ERC2: variants seen among roughly 807,000 people sequenced by gnomAD.
ERC2 encodes ERC protein 2.
ERC2 carries 42 observed loss-of-function variants against 114.8 expected under a neutral mutation model. That is an observed-to-expected ratio of 0.37 (90% confidence interval 0.29 to 0.47). ERC2 has a LOEUF of 0.47. Among genes scored for constraint, ERC2 ranks in the 20% least tolerant of loss-of-function variants. The pLI, the probability that ERC2 is intolerant of heterozygous loss-of-function variation, is 0.99. For missense variants in ERC2, 939 were observed against 1,150.7 expected, an observed-to-expected ratio of 0.82 and a Z score of 2.66; for synonymous variants, 454 against 425.5, an observed-to-expected ratio of 1.07 and a Z score of -0.82.
chr3:56,458,439 T>A (rs2063162766), intron 1 of ERC2, among the ~76,000 whole-genome samples: 1 of 152,196 alleles, frequency 6.6e-6, no homozygotes, highest in African/African-American at 2.4e-5. Flanking sequence ...ATGTTGTGAA[T>A]TCAAGGTGGC....
intron 14 of ERC2, among the ~76,000 whole-genome samples, chr3:55,875,547 T>C (rs2062789220): frequency 6.6e-6 from 1 of 152,174 alleles, no homozygotes; most frequent in South Asian, 2.1e-4. Flanking sequence ...ACAAAAGACT[T>C]GTCCCACTTG....
Position 56,007,170 on chromosome 3 carries a change from ACT to A in ERC2, c.2061+9_2061+10del. ...AAATAAGCATGATTCTTTTTCTTAG[ACT>A]TCACTTACCTTTTTTAACTGTGCTT... is the stretch of plus-strand genomic sequence containing the variant. On this transcript the variant is annotated intron_variant, in intron 10 of 17. Coordinates refer to ENST00000288221, the MANE Select transcript of ERC2 (RefSeq NM_015576.3). 1 of 1,543,672 alleles carries A rather than the reference ACT, an allele frequency of 6.5e-7. No individual in the cohort carries two copies. Among genetic ancestry groups the A allele is most frequent in the Non-Finnish European group, 8.7e-7 (1 of 1,145,866 alleles).
intron 17 of ERC2, among the ~76,000 whole-genome samples, chr3:55,622,025 C>T (rs1366244588): frequency 6.6e-6 from 1 of 152,128 alleles, no homozygotes; most frequent in Non-Finnish European, 1.5e-5. Flanking sequence ...TTTCATAAAC[C>T]TAACTGGACA....
chr3:55,561,122 C>A (rs2055987373), intron 17 of ERC2, among the ~76,000 whole-genome samples: 1 of 148,950 alleles, frequency 6.7e-6, no homozygotes, highest in Non-Finnish European at 1.5e-5. Flanking sequence ...ACAGTCACAG[C>A]AGAAAGCTCA....
intron 15 of ERC2, among the ~76,000 whole-genome samples, chr3:55,718,415 G>A (rs1304425864): frequency 1.3e-5 from 2 of 152,278 alleles, no homozygotes; most frequent in African/African-American, 4.8e-5. Flanking sequence ...CAGGACAACA[G>A]CTTTCAACTC....
At chr3:55,835,355 G>C (rs1040811856) in intron 14 of ERC2, among the ~76,000 whole-genome samples, 2 of 152,060 alleles carry the variant, frequency 1.3e-5, no homozygotes, top group East Asian at 1.9e-4. Flanking sequence ...AATCCTCAAT[G>C]AAATACTGGC....
intron 14 of ERC2, among the ~76,000 whole-genome samples, chr3:55,765,249 A>G (rs1471270445): frequency 6.6e-6 from 1 of 152,236 alleles, no homozygotes; most frequent in East Asian, 1.9e-4. Flanking sequence ...TATGCAAAAT[A>G]CATGCAATTA....
At chr3:55,776,735 A>C (rs912475070) in intron 14 of ERC2, among the ~76,000 whole-genome samples, 1 of 152,188 alleles carries the variant, frequency 6.6e-6, no homozygotes, top group African/African-American at 2.4e-5. Flanking sequence ...TCTAATCCTC[A>C]GGACCTTGTA....
chr3:55,939,933 G>T (rs1362530289), intron 13 of ERC2, among the ~76,000 whole-genome samples: 1 of 152,154 alleles, frequency 6.6e-6, no homozygotes, highest in Non-Finnish European at 1.5e-5. Context: ...ATAACCGATT[G>T]CTCTAAAGAA....
At chr3:55,651,014 ATTTTTTTTTT>A (rs71096493) in intron 17 of ERC2, among the ~76,000 whole-genome samples, 27 of 96,322 alleles carry the variant, frequency 2.8e-4, no homozygotes, top group African/African-American at 8.4e-4. Flanking sequence ...CACCCAGCTA[ATTTTTTTTTT>A]TTTTTTTTTT....
At chr3:55,514,857 T>C (rs2052376905) in intron 17 of ERC2, among the ~76,000 whole-genome samples, 1 of 152,202 alleles carries the variant, frequency 6.6e-6, no homozygotes, top group African/African-American at 2.4e-5. Flanking sequence ...CACAAAACTG[T>C]AAGCTAATAA....
At chr3:55,895,650 T>C (rs2063806993) in intron 13 of ERC2, among the ~76,000 whole-genome samples, 1 of 152,124 alleles carries the variant, frequency 6.6e-6, no homozygotes, top group Admixed American at 6.5e-5. Context: ...TCCATCTTCT[T>C]TGCAAGCCCC....
chr3:55,781,094 ACT>A (rs943204416), intron 14 of ERC2, among the ~76,000 whole-genome samples: 29 of 151,934 alleles, frequency 1.9e-4, no homozygotes, highest in African/African-American at 7.0e-4. Flanking sequence ...CTTGCCCAAA[ACT>A]CTGTGTGAGA....
chr3:56,343,295 T>C (rs1416850385), intron 2 of ERC2, among the ~76,000 whole-genome samples: 1 of 151,166 alleles, frequency 6.6e-6, no homozygotes, highest in South Asian at 2.1e-4. Flanking sequence ...CATTTCCCCA[T>C]TAGAATGAAA....
intron 15 of ERC2, among the ~76,000 whole-genome samples, chr3:55,725,520 A>T (rs892758648): frequency 2.0e-5 from 3 of 152,200 alleles, no homozygotes; most frequent in African/African-American, 7.2e-5. Context: ...ACAAAAAAAA[A>T]TAGCACTTTG....
At chr3:55,806,771 C>T (rs1474625028) in intron 14 of ERC2, among the ~76,000 whole-genome samples, 2 of 152,210 alleles carry the variant, frequency 1.3e-5, no homozygotes, top group Non-Finnish European at 2.9e-5. Context: ...TGAAGGCCAA[C>T]ACACCTGAGT....
chr3:55,998,251 T>A (rs11709347), intron 10 of ERC2, among the ~76,000 whole-genome samples: 35,080 of 151,326 alleles, frequency 0.23, 4,509 homozygotes, highest in Admixed American at 0.31. Context: ...TCTCTCTCTC[T>A]CACACACACA....
At chr3:55,735,056 TCTTTGG>T in intron 14 of ERC2, 138 bp from the exon 15 acceptor site, 1 of 938,570 alleles carries the variant, frequency 1.1e-6, no homozygotes, top group Non-Finnish European at 1.5e-6. Context: ...ACAAACTAGC[TCTTTGG>T]CTTTCAGAAT....
intron 2 of ERC2, among the ~76,000 whole-genome samples, chr3:56,325,312 G>T (rs1033615696): frequency 1.3e-5 from 2 of 152,014 alleles, no homozygotes; most frequent in Non-Finnish European, 2.9e-5. Context: ...TGGGTGTGGT[G>T]GTGGGCACCT....
Sources: gnomAD v4.1 joint callset for allele counts (sites outside exome capture counted in the v4.1 genomes callset) on GRCh38, gnomAD v4.1.1 for gene constraint, MANE v1.5 for transcripts, NCBI Gene and HGNC (gene_info 2026-07-23, HGNC 2026-07-21) for gene names.